MCTP1: variants seen among roughly 807,000 people sequenced by gnomAD.
The protein encoded by MCTP1 is multiple C2 and transmembrane domain-containing protein 1.
Under a neutral mutation model 120.6 loss-of-function variants are expected in MCTP1, and 69 were observed. The ratio of observed to expected loss-of-function variants is 0.57; its 90% CI spans 0.47 to 0.70. The LOEUF (loss-of-function observed/expected upper bound fraction) is 0.70. Among genes scored for constraint, MCTP1 ranks in the 30% least tolerant of loss-of-function variants. The pLI is 0.00. For missense variants in MCTP1, 1,203 were observed against 1,248.8 expected (o/e 0.96, Z 0.55); for synonymous variants, 529 against 493.1 (o/e 1.07, Z -0.96).
At chr5:94,833,989 C>T (rs763360358) in intron 17 of MCTP1, among the ~76,000 whole-genome samples, 12 of 152,194 alleles carry the variant, frequency 7.9e-5, no homozygotes, top group Non-Finnish European at 1.6e-4. Flanking sequence ...TGTCACCAAA[C>T]TGTTATTTAT....
chr5:95,133,839 G>A (rs574247824), intron 1 of MCTP1, among the ~76,000 whole-genome samples: 1 of 152,260 alleles, frequency 6.6e-6, no homozygotes, highest in African/African-American at 2.4e-5. Context: ...CCTATTGTCT[G>A]CAATTAAGGT....
intron 1 of MCTP1, among the ~76,000 whole-genome samples, chr5:95,280,650 A>T (rs1023010166): frequency 1.3e-5 from 2 of 151,646 alleles, no homozygotes; most frequent in African/African-American, 4.8e-5. Context: ...AGAAAGGGAT[A>T]TTTTTTTTTC....
At chr5:95,244,498 T>C (rs1282754502) in intron 1 of MCTP1, among the ~76,000 whole-genome samples, 1 of 152,182 alleles carries the variant, frequency 6.6e-6, no homozygotes, top group Non-Finnish European at 1.5e-5. Context: ...TTTCCCATGG[T>C]CTTAGCAACC....
intron 9 of MCTP1, among the ~76,000 whole-genome samples, chr5:94,912,151 C>A (rs560895467): frequency 1.7e-4 from 26 of 151,964 alleles, no homozygotes; most frequent in African/African-American, 6.3e-4. Flanking sequence ...CTGATATTAG[C>A]ACTAGTTGTA....
intron 17 of MCTP1, among the ~76,000 whole-genome samples, chr5:94,802,154 A>G (rs192743654): frequency 9.8e-5 from 15 of 152,290 alleles, no homozygotes; most frequent in African/African-American, 3.6e-4. Context: ...TAAGAATCTA[A>G]TATTTGGGTA....
intron 1 of MCTP1, among the ~76,000 whole-genome samples, chr5:95,259,694 G>C (rs958973138): frequency 3.3e-5 from 5 of 152,138 alleles, no homozygotes; most frequent in African/African-American, 9.7e-5. Flanking sequence ...ACTTAGAGGT[G>C]GCCATTAATT....
At chr5:94,734,107 A>G (rs1414445951) in intron 19 of MCTP1, among the ~76,000 whole-genome samples, 1 of 152,222 alleles carries the variant, frequency 6.6e-6, no homozygotes, top group Non-Finnish European at 1.5e-5. Flanking sequence ...TTATCCCTTC[A>G]TGTACCTCCA....
intron 17 of MCTP1, among the ~76,000 whole-genome samples, chr5:94,829,257 G>A (rs896476704): frequency 6.6e-6 from 1 of 152,142 alleles, no homozygotes; most frequent in East Asian, 1.9e-4. Flanking sequence ...TGGGTGAGGC[G>A]ACGCCCCACC....
chr5:95,025,605 T>C lies in MCTP1; in HGVS notation c.721-8121A>G, dbSNP rs75540775. On this transcript the variant is annotated intron_variant, in intron 1 of 22. Transcript: ENST00000515393. ...AGTTAATAACAAGAGCATTCACATCTTCTATCTCAGCAAGCCACCATTTTT... is the reference window on the plus strand; with the variant it reads ...AGTTAATAACAAGAGCATTCACATCCTCTATCTCAGCAAGCCACCATTTTT... Among the ~76,000 whole-genome samples the C allele has an allele frequency of 1.9e-3, 293 of 152,316 alleles. 3 individuals are homozygous for C. Among genetic ancestry groups the C allele is most frequent in the African/African-American group, 7.0e-3 (289 of 41,572 alleles).
chr5:94,930,755 A>G (rs528994971), intron 6 of MCTP1: 23 of 152,306 alleles, frequency 1.5e-4, no homozygotes, highest in Admixed American at 4.6e-4. Flanking sequence ...TGAATTTAAA[A>G]ATATATACAC....
intron 17 of MCTP1, among the ~76,000 whole-genome samples, chr5:94,845,278 C>T (rs78948192): frequency 0.011 from 1,617 of 152,222 alleles, 10 homozygotes; most frequent in Non-Finnish European, 0.015. Flanking sequence ...GGAAGAGCAA[C>T]GTCACATCTT....
At chr5:94,950,529 T>C (rs765378682) in intron 3 of MCTP1, among the ~76,000 whole-genome samples, 5 of 152,198 alleles carry the variant, frequency 3.3e-5, no homozygotes, top group Admixed American at 1.3e-4. Context: ...ATGTGTACTG[T>C]ATATATGCAG....
At chr5:95,135,783 A>G (rs1759403730) in intron 1 of MCTP1, among the ~76,000 whole-genome samples, 1 of 152,190 alleles carries the variant, frequency 6.6e-6, no homozygotes, top group South Asian at 2.1e-4. Flanking sequence ...CCCTTTATAT[A>G]TATGTGTCTG....
At chr5:95,106,631 C>A in intron 1 of MCTP1, among the ~76,000 whole-genome samples, 1 of 152,156 alleles carries the variant, frequency 6.6e-6, no homozygotes, top group Non-Finnish European at 1.5e-5. Flanking sequence ...CGCTTCAATT[C>A]AACAAACATG....
intron 19 of MCTP1, among the ~76,000 whole-genome samples, chr5:94,761,347 G>C (rs2152849489): frequency 6.6e-6 from 1 of 152,302 alleles, no homozygotes; most frequent in South Asian, 2.1e-4. Flanking sequence ...AGCTTAGCTA[G>C]AAAGTGAAAT....
intron 1 of MCTP1, among the ~76,000 whole-genome samples, chr5:95,182,205 T>C (rs980889131): frequency 1.3e-5 from 2 of 152,182 alleles, no homozygotes; most frequent in African/African-American, 4.8e-5. Flanking sequence ...AGGATGAAGA[T>C]GCCCCAGAAG....
At chr5:94,968,251 C>T (rs1337227937) in intron 2 of MCTP1, among the ~76,000 whole-genome samples, 1 of 152,106 alleles carries the variant, frequency 6.6e-6, no homozygotes, top group African/African-American at 2.4e-5. Context: ...TTGGAAAATA[C>T]TGGTTTAGAA....
At chr5:94,891,887 G>A (rs1377125358) in intron 11 of MCTP1, among the ~76,000 whole-genome samples, 2 of 152,116 alleles carry the variant, frequency 1.3e-5, no homozygotes, top group East Asian at 3.9e-4. Flanking sequence ...AACCCGGATG[G>A]CTTCTGAAGC....
intron 1 of MCTP1, among the ~76,000 whole-genome samples, chr5:95,030,050 C>G (rs1424233949): frequency 6.6e-6 from 1 of 152,196 alleles, no homozygotes; most frequent in Non-Finnish European, 1.5e-5. Context: ...GGAAGAGGTT[C>G]TCGCCTGAGC....
Sources: allele counts gnomAD v4.1 joint callset (sites outside exome capture counted in the v4.1 genomes callset), GRCh38; gene constraint gnomAD v4.1.1; transcripts MANE v1.5; gene names NCBI Gene and HGNC (gene_info 2026-07-23, HGNC 2026-07-21).